HDAC9: variants seen among roughly 807,000 people sequenced by gnomAD.
HDAC9 encodes the protein MEF-2 interacting transcription repressor (MITR) protein.
Under a neutral mutation model 139.4 loss-of-function variants are expected in HDAC9, and 41 were observed. The ratio of observed to expected loss-of-function variants is 0.29; its 90% CI spans 0.23 to 0.38. The LOEUF is 0.38. Ranked by LOEUF, HDAC9 falls within the 10% of genes least tolerant of loss-of-function variation. HDAC9 has a pLI of 1.00. For synonymous variants in HDAC9, 517 were observed against 476.2 expected, an observed-to-expected ratio of 1.09 and a Z score of -1.12; for missense variants, 1,147 against 1,297.0, an observed-to-expected ratio of 0.88 and a Z score of 1.78.
intron 2 of HDAC9, among the ~76,000 whole-genome samples, chr7:18,258,079 A>T (rs1178084209): frequency 1.3e-5 from 2 of 152,266 alleles, no homozygotes; most frequent in Non-Finnish European, 2.9e-5. Context: ...ATAAGCCTTC[A>T]TGAATCATAT....
intron 14 of HDAC9, among the ~76,000 whole-genome samples, chr7:18,756,644 G>T (rs1328715543): frequency 6.6e-6 from 1 of 152,144 alleles, no homozygotes. Flanking sequence ...CTAAAAATGA[G>T]CTTTGACATA....
chr7:18,952,471 G>A (rs982184894), intron 23 of HDAC9, among the ~76,000 whole-genome samples: 13 of 151,932 alleles, frequency 8.6e-5, no homozygotes, highest in South Asian at 2.1e-4. Context: ...AGCTGTCATC[G>A]CTTTGTGCTT....
chr7:18,194,220 A>G (rs1266132224), intron 2 of HDAC9, among the ~76,000 whole-genome samples: 1 of 152,094 alleles, frequency 6.6e-6, no homozygotes, highest in Non-Finnish European at 1.5e-5. Context: ...TTCTACTTGC[A>G]TTCTTGATTA....
intron 22 of HDAC9, among the ~76,000 whole-genome samples, chr7:18,890,695 G>C (rs142453530): frequency 6.6e-6 from 1 of 152,186 alleles, no homozygotes; most frequent in African/African-American, 2.4e-5. Context: ...CATTGTGGTC[G>C]ATTACCTTTT....
intron 2 of HDAC9, among the ~76,000 whole-genome samples, chr7:18,584,310 A>T (rs1030422640): frequency 6.6e-6 from 1 of 151,618 alleles, no homozygotes. Context: ...TTGTATTTTT[A>T]GTAGAGAAGG....
At chr7:18,847,698 AG>A (rs1321041178) in intron 21 of HDAC9, among the ~76,000 whole-genome samples, 1 of 152,200 alleles carries the variant, frequency 6.6e-6, no homozygotes, top group Non-Finnish European at 1.5e-5. Context: ...TCTCCCCCTG[AG>A]GGGTCAGCTG....
At chr7:18,161,335 C>A (rs1487074874) in intron 1 of HDAC9, among the ~76,000 whole-genome samples, 2 of 152,054 alleles carry the variant, frequency 1.3e-5, no homozygotes, top group African/African-American at 2.4e-5. Flanking sequence ...ATAACACTTT[C>A]AAAATAGTGA....
At chr7:18,338,024 A>G (rs756110342) in intron 1 of HDAC9, among the ~76,000 whole-genome samples, 1 of 151,732 alleles carries the variant, frequency 6.6e-6, no homozygotes, top group Non-Finnish European at 1.5e-5. Context: ...GCACTGTGCA[A>G]CTTTAAGGCA....
Position 18,277,915 on chromosome 7 carries a change from A to T in HDAC9, c.25+115566A>T, listed in dbSNP as rs186803709. Among the ~76,000 whole-genome samples the T allele has an allele frequency of 2.5e-3, 382 of 151,900 alleles. 4 individuals carry two copies. Among genetic ancestry groups the T allele is most frequent in the African/African-American group, 9.0e-3 (369 of 41,198 alleles). The stretch of plus-strand genomic sequence containing the variant: ...TTAACTATCCCAGAGATCAAGTTTT[A>T]AAAAAACTTGTTATCGTTTAGCTTT... On this transcript the variant is annotated intron_variant, in intron 2 of 12. Transcript: ENST00000417496.
intron 25 of HDAC9, among the ~76,000 whole-genome samples, chr7:18,985,469 T>C (rs1218170712): frequency 2.0e-5 from 3 of 152,202 alleles, no homozygotes; most frequent in South Asian, 4.1e-4. Flanking sequence ...CAGTCTATCA[T>C]TGTTGGACAT....
At chr7:18,356,488 T>C (rs1031644778) in intron 1 of HDAC9, among the ~76,000 whole-genome samples, 1 of 150,096 alleles carries the variant, frequency 6.7e-6, no homozygotes, top group Non-Finnish European at 1.5e-5. Context: ...TGGAGGACCT[T>C]CCTATAGTGA....
chr7:18,513,812 T>C (rs1275635532), intron 2 of HDAC9, among the ~76,000 whole-genome samples: 1 of 152,188 alleles, frequency 6.6e-6, no homozygotes, highest in African/African-American at 2.4e-5. Flanking sequence ...CTAAACCAGA[T>C]CATATCGCAA....
At chr7:18,637,534 CA>C (rs887209821) in intron 8 of HDAC9, among the ~76,000 whole-genome samples, 19 of 151,978 alleles carry the variant, frequency 1.3e-4, no homozygotes, top group African/African-American at 4.3e-4. Flanking sequence ...CAAAACAAAA[CA>C]GAGGGAAATG....
chr7:18,563,774 A>G (rs1342364530), intron 2 of HDAC9, among the ~76,000 whole-genome samples: 1 of 150,332 alleles, frequency 6.7e-6, no homozygotes, highest in Non-Finnish European at 1.5e-5. Context: ...TTTAAGTTCT[A>G]GGGTACATGT....
chr7:18,182,723 A>G (rs545631446), intron 2 of HDAC9, among the ~76,000 whole-genome samples: 3 of 152,314 alleles, frequency 2.0e-5, no homozygotes, highest in East Asian at 3.9e-4. Flanking sequence ...TAGCTCTTGG[A>G]TCCAGGTACC....
chr7:18,761,671 T>A (rs1789403628), intron 14 of HDAC9, among the ~76,000 whole-genome samples: 1 of 152,180 alleles, frequency 6.6e-6, no homozygotes, highest in African/African-American at 2.4e-5. Context: ...CTAATACTAC[T>A]GTGAGGTGCA....
chr7:18,108,081 T>C (rs1313437478), intron 1 of HDAC9, among the ~76,000 whole-genome samples: 1 of 152,112 alleles, frequency 6.6e-6, no homozygotes, highest in Non-Finnish European at 1.5e-5. Context: ...CTGTGAAAAA[T>C]ATGCCTACAA....
chr7:18,445,069 GTCTGTCTTATAGA>G (rs1237006847), intron 1 of HDAC9, among the ~76,000 whole-genome samples: 1 of 152,148 alleles, frequency 6.6e-6, no homozygotes, highest in Non-Finnish European at 1.5e-5. Context: ...AGTGGCCATT[GTCTGTCTTATAGA>G]AAGGCAGGAG....
chr7:18,587,191 A>G (rs979816760), intron 3 of HDAC9, among the ~76,000 whole-genome samples: 10 of 152,186 alleles, frequency 6.6e-5, no homozygotes, highest in African/African-American at 2.4e-4. Context: ...TTTATTGCTT[A>G]ATTTTACTCA....
Sources: gnomAD v4.1 joint callset for allele counts (sites outside exome capture counted in the v4.1 genomes callset) on GRCh38, gnomAD v4.1.1 for gene constraint, MANE v1.5 for transcripts, NCBI Gene and HGNC (gene_info 2026-07-23, HGNC 2026-07-21) for gene names.